CHRNB2: variants seen among roughly 807,000 people sequenced by gnomAD.
CHRNB2 encodes cholinergic receptor nicotinic beta 2 subunit.
Under a neutral mutation model 42.7 loss-of-function variants are expected in CHRNB2, and 33 were observed. The observed-to-expected ratio is 0.77, with a 90% confidence interval of 0.59 to 1.03. The LOEUF (loss-of-function observed/expected upper bound fraction) is 1.03, where lower values mean the gene tolerates loss of function less well. CHRNB2 is among the 50% of genes least tolerant of loss of function. The pLI is 0.00. For synonymous variants in CHRNB2, 325 were observed against 292.9 expected (o/e 1.11, Z -1.12); for missense variants, 603 against 700.9 (o/e 0.86, Z 1.58).
Position 154,578,527 on chromosome 1 carries a change from TG to T in CHRNB2, c.*2598del, listed in dbSNP as rs1340690760. Reference sequence around the variant, plus strand: ...GGTCAGTGTATATGAAAGGGTTACCTGGGCAGTGTCATTCCCTCCATCTCTG... The same window carrying T: ...GGTCAGTGTATATGAAAGGGTTACCTGGCAGTGTCATTCCCTCCATCTCTG... On this transcript the variant is annotated 3_prime_UTR_variant, in exon 6 of 6. Transcript: ENST00000368476. The T allele has an allele frequency of 2.0e-5, 3 of 152,292 alleles. No homozygotes were observed. Among genetic ancestry groups the T allele is most frequent in the African/African-American group, 7.2e-5 (3 of 41,476 alleles). The allele number at this position is 152,292 out of a possible 1,614,324, so 9.4% of individuals were successfully genotyped here.
At chr1:154,574,308 A>G (rs1053885704) in intron 5 of CHRNB2, among the ~76,000 whole-genome samples, 2 of 152,196 alleles carry the variant, frequency 1.3e-5, no homozygotes, top group Admixed American at 6.5e-5. Flanking sequence ...TAGCATTGAT[A>G]TCTGTATCTC....
In CHRNB2 at chr1:154,571,827, T is replaced by C; in HGVS notation, c.1004T>C (p.Val335Ala). The C allele has an allele frequency of 6.2e-7, 1 of 1,613,528 alleles. No homozygotes were observed. Among genetic ancestry groups the C allele is most frequent in the South Asian group, 1.1e-5 (1 of 91,072 alleles). Residue 335 changes from valine to alanine, a missense_variant, in exon 5 of 6, where the codon GTG becomes GCG. Physicochemically the swap from Val to Ala is moderately conservative, Grantham distance 64. This residue lies in a region of CHRNB2 where 270 missense variants were observed against 248.3 expected (regional missense o/e 1.09). Coordinates refer to ENST00000368476, the MANE Select transcript of CHRNB2 (RefSeq NM_000748.3). The surrounding 1 kb of genome is among the most constrained non-coding windows in gnomAD (Gnocchi z 6.8). ...ACCACGCACACCATGGCGCCCTGGG[T>C]GAAGGTCGTCTTCCTGGAGAAGCTG... ...SPTTHTMAPW[V>A]KVVFLEKLPA...
rs1696353875 is a variant in CHRNB2 at position 154,579,686 on chromosome 1, C to T, written c.*3754C>T. The T allele has an allele frequency of 6.6e-6, 1 of 152,242 alleles. No homozygotes were observed. Among genetic ancestry groups the T allele is most frequent in the Non-Finnish European group, 1.5e-5 (1 of 68,082 alleles). 9.4% of individuals were successfully genotyped at this position (152,242 alleles called of 1,614,324 possible). ...AGGTCCAGGCGGTCAGTGTGATAGC[C>T]ACGCAGTTCCTAAGGGACTGTAGGT... On this transcript the variant is annotated 3_prime_UTR_variant, in exon 6 of 6. Transcript: ENST00000368476.
At chr1:154,574,064 T>G (rs1455749149) in intron 5 of CHRNB2, among the ~76,000 whole-genome samples, 1 of 152,204 alleles carries the variant, frequency 6.6e-6, no homozygotes, top group African/African-American at 2.4e-5. Context: ...TTATCTTGTC[T>G]TAAGCAAGCC....
At chr1:154,570,529 C>G (rs568993584) in intron 4 of CHRNB2, among the ~76,000 whole-genome samples, 162 bp downstream of exon 4, 3 of 152,036 alleles carry the variant, frequency 2.0e-5, no homozygotes, top group African/African-American at 7.2e-5. Flanking sequence ...TGAGGTACAG[C>G]GTGGACAGCC....
chr1:154,569,726 C>G (rs766819731), intron 2 of CHRNB2, 66 bp from the exon 3 acceptor site: 2 of 1,612,654 alleles, frequency 1.2e-6, no homozygotes, highest in South Asian at 1.1e-5. Context: ...TGAGAGGGAC[C>G]CTGGGTGGTG....
In CHRNB2 at chr1:154,571,899, A is replaced by G; in HGVS notation, c.1076A>G (p.Gln359Arg). The G allele has an allele frequency of 3.8e-6, 6 of 1,584,900 alleles. No homozygotes were observed. The highest frequency in any genetic ancestry group is 5.1e-6 in the Non-Finnish European group (6 of 1,169,602). ...MQQPRHHCAR[Q>R]RLRLRRRQRE... ...CAGCCACGCCATCATTGCGCCCGTC[A>G]GCGCCTGCGCCTGCGGCGACGCCAG... The change falls in exon 5 of 6, where the codon CAG (glutamine) becomes CGG (arginine). Residue 359 changes from glutamine to arginine, a missense_variant. Around this residue, in one of 2 missense-constraint regions of CHRNB2, gnomAD observed 270 missense variants for 248.3 expected, o/e 1.09. Transcript: ENST00000368476. This position sits in a 1 kb window ranked among gnomAD's most constrained non-coding sequence, Gnocchi z 6.8.
Position 154,578,527 on chromosome 1 carries a change from T to C in CHRNB2, c.*2595T>C, listed in dbSNP as rs996416464. On this transcript the variant is annotated 3_prime_UTR_variant, in exon 6 of 6. Transcript: ENST00000368476. ...GGTCAGTGTATATGAAAGGGTTACC[T>C]GGGCAGTGTCATTCCCTCCATCTCT... 5 of 152,292 alleles carry C rather than the reference T, an allele frequency of 3.3e-5. No homozygotes were observed. Among genetic ancestry groups the C allele is most frequent in the African/African-American group, 9.6e-5 (4 of 41,476 alleles). The allele number at this position is 152,292 out of a possible 1,614,324, so 9.4% of individuals were successfully genotyped here. A position where few individuals can be genotyped will look rare whatever the true frequency, so the allele number is the denominator to read the frequency against.
chr1:154,576,820 T>C lies in CHRNB2; in HGVS notation c.*888T>C. On this transcript the variant is annotated 3_prime_UTR_variant, in exon 6 of 6. Coordinates refer to ENST00000368476, the MANE Select transcript of CHRNB2 (RefSeq NM_000748.3). ...CAGCCATGGATTCCAACATAAGCCA[T>C]GTTGCAGATGAAGAAACTGACCCAC... The C allele has an allele frequency of 6.6e-6, 1 of 152,322 alleles. No individual in the cohort carries two copies. The allele number at this position is 152,322 out of a possible 1,614,324, so 9.4% of individuals were successfully genotyped here. A position where few individuals can be genotyped will look rare whatever the true frequency, so the allele number is the denominator to read the frequency against.
Position 154,570,282 on chromosome 1 carries a change from T to C in CHRNB2, c.280T>C (p.Trp94Arg). The change falls in exon 4 of 6, where the codon TGG (tryptophan) becomes CGG (arginine). Residue 94 changes from tryptophan to arginine, a missense_variant. Trp to Arg is a moderately radical substitution (Grantham distance 101). Transcript: ENST00000368476. ...GGAGTGGGAAGATTATCGCCTCACC[T>C]GGAAGCCTGAAGAGTTTGACAACAT... Reference protein sequence around the residue: ...TQEWEDYRLTWKPEEFDNMKK... With the variant: ...TQEWEDYRLTRKPEEFDNMKK... 1.2e-6 allele frequency: 2 copies of C among 1,612,048 alleles called. No homozygotes were observed. Among genetic ancestry groups the C allele is most frequent in the Middle Eastern group, 1.7e-4 (1 of 6,036 alleles).
Position 154,571,061 on chromosome 1 carries a change from C to T in CHRNB2, c.366-128C>T. The stretch of plus-strand genomic sequence containing the variant: ...ACCTCTCTATACTCCTGGATGGTTA[C>T]TCTCAGATCTGGGTGTCCCCTCCCC... On this transcript the variant is annotated intron_variant, in intron 4 of 5. Transcript: ENST00000368476. This position sits in a 1 kb window ranked among gnomAD's most constrained non-coding sequence, Gnocchi z 6.8. 6.4e-7 allele frequency: 1 copy of T among 1,568,130 alleles called. No homozygotes were observed.
intron 1 of CHRNB2, among the ~76,000 whole-genome samples, chr1:154,568,814 T>G (rs772937927): frequency 3.3e-5 from 5 of 151,870 alleles, no homozygotes; most frequent in Non-Finnish European, 7.4e-5. Flanking sequence ...GGTGGGCTGC[T>G]GTGTGTGTGA....
Position 154,578,387 on chromosome 1 carries a change from C to T in CHRNB2, c.*2455C>T, listed in dbSNP as rs1260728896. ...TCCTCTCCATGACCCGGTTAACACA[C>T]GAGTAAACAGGCCTAGAGCTTGTCT... On this transcript the variant is annotated 3_prime_UTR_variant, in exon 6 of 6. Coordinates refer to ENST00000368476, the MANE Select transcript of CHRNB2 (RefSeq NM_000748.3). 1 of 152,272 alleles carries T rather than the reference C, an allele frequency of 6.6e-6. No individual in the cohort carries two copies. The highest frequency in any genetic ancestry group is 1.5e-5 in the Non-Finnish European group (1 of 68,056). The allele number at this position is 152,272 out of a possible 1,614,324, so 9.4% of individuals were successfully genotyped here.
At chr1:154,574,230 T>C (rs888875864) in intron 5 of CHRNB2, among the ~76,000 whole-genome samples, 15 of 152,246 alleles carry the variant, frequency 9.9e-5, no homozygotes, top group African/African-American at 3.4e-4. Flanking sequence ...AATAATTCAG[T>C]GTGTCTCTCC....
chr1:154,571,824 G>C lies in CHRNB2; in HGVS notation c.1001G>C (p.Trp334Ser). Residue 334 changes from tryptophan (W) to serine (S), a missense_variant, in exon 5 of 6, where the codon TGG becomes TCG. Coordinates refer to ENST00000368476, the MANE Select transcript of CHRNB2 (RefSeq NM_000748.3). The surrounding 1 kb of genome is among the most constrained non-coding windows in gnomAD (Gnocchi z 6.8). ...RSPTTHTMAP[W>S]VKVVFLEKLP... is the part of the protein sequence containing the mutation. ...CCCACCACGCACACCATGGCGCCCT[G>C]GGTGAAGGTCGTCTTCCTGGAGAAG... 13 of 1,613,654 alleles carry C rather than the reference G, an allele frequency of 8.1e-6. No homozygotes were observed. Among genetic ancestry groups the C allele is most frequent in the Non-Finnish European group, 1.1e-5 (13 of 1,179,984 alleles).
chr1:154,574,650 C>T (rs1696237628), intron 5 of CHRNB2, among the ~76,000 whole-genome samples: 2 of 152,190 alleles, frequency 1.3e-5, no homozygotes, highest in African/African-American at 2.4e-5. Context: ...ATGATATCTC[C>T]TCCTTTTATC....
chr1:154,571,755 C>T lies in CHRNB2; in HGVS notation c.932C>T (p.Ser311Phe). ...TTCACCATGGTGCTTGTCACCTTCTCCATCGTCACCAGCGTGTGCGTGCTC... is the reference window on the plus strand; with the variant it reads ...TTCACCATGGTGCTTGTCACCTTCTTCATCGTCACCAGCGTGTGCGTGCTC... ...LMFTMVLVTF[S>F]IVTSVCVLNV... The change falls in exon 5 of 6, where the codon TCC becomes TTC. Residue 311 changes from serine to phenylalanine, a missense_variant. Transcript: ENST00000368476. This position sits in a 1 kb window ranked among gnomAD's most constrained non-coding sequence, Gnocchi z 6.8. The T allele has an allele frequency of 1.9e-6, 3 of 1,614,226 alleles. No homozygotes were observed. The highest frequency in any genetic ancestry group is 1.7e-6 in the Non-Finnish European group (2 of 1,180,044).
rs1557851605 is a variant in CHRNB2 at position 154,571,492 on chromosome 1, C to T, written c.669C>T (p.Asp223=). The T allele has an allele frequency of 1.4e-5, 23 of 1,613,918 alleles. No homozygotes were observed. Among genetic ancestry groups the T allele is most frequent in the Non-Finnish European group, 1.9e-5 (22 of 1,180,042 alleles). Residue 223 remains aspartate, a synonymous_variant, in exon 5 of 6, where the codon GAC becomes GAT. Transcript: ENST00000368476. The surrounding 1 kb of genome is among the most constrained non-coding windows in gnomAD (Gnocchi z 6.8). ...NENPDDSTYV[D]ITYDFIIRRK... is the part of the protein sequence containing the mutation. ...ACCCCGACGACTCTACGTACGTGGA[C>T]ATCACGTATGACTTCATCATTCGCC...
rs1696284126 is a variant in CHRNB2, at chr1:154,576,571, G to C, written c.*639G>C. 1 of 163,748 alleles carries C rather than the reference G, an allele frequency of 6.1e-6. No homozygotes were observed. The highest frequency in any genetic ancestry group is 1.3e-5 in the Non-Finnish European group (1 of 74,470). 10.1% of individuals were successfully genotyped at this position (163,748 alleles called of 1,614,324 possible). ...GCCCCTTGCTTCTAAGGGATCCAGAGACCTGCTCCAGATCCTCTTTCCCCA... is the reference window on the plus strand; with the variant it reads ...GCCCCTTGCTTCTAAGGGATCCAGACACCTGCTCCAGATCCTCTTTCCCCA... On this transcript the variant is annotated 3_prime_UTR_variant, in exon 6 of 6. Coordinates refer to ENST00000368476, the MANE Select transcript of CHRNB2 (RefSeq NM_000748.3).
Sources: allele counts gnomAD v4.1 joint callset (sites outside exome capture counted in the v4.1 genomes callset), GRCh38; gene constraint gnomAD v4.1.1; regional missense constraint gnomAD v4.1.1; non-coding constraint Gnocchi (gnomAD v3.1); transcripts MANE v1.5; gene names NCBI Gene and HGNC (gene_info 2026-07-23, HGNC 2026-07-21).